FMN2: variants seen among roughly 807,000 people sequenced by gnomAD.
The protein encoded by FMN2 is formin-2.
In FMN2, 51 loss-of-function variants were observed where a neutral mutation model predicts 142.3. The ratio of observed to expected loss-of-function variants is 0.36; its 90% CI spans 0.29 to 0.45. The LOEUF (loss-of-function observed/expected upper bound fraction) is 0.45, where lower values mean the gene tolerates loss of function less well. Ranked by LOEUF, FMN2 falls within the 20% of genes least tolerant of loss-of-function variation. The pLI is 1.00. For missense variants in FMN2, 1,936 were observed against 2,122.8 expected, an observed-to-expected ratio of 0.91 and a Z score of 1.73; for synonymous variants, 882 against 869.8, an observed-to-expected ratio of 1.01 and a Z score of -0.25.
At chr1:240,206,359 ATAT>A (rs567603071) in intron 4 of FMN2, among the ~76,000 whole-genome samples, 2 of 152,218 alleles carry the variant, frequency 1.3e-5, no homozygotes, top group African/African-American at 2.4e-5. Context: ...AATATTTTAT[ATAT>A]TATTATTGAA....
At chr1:240,428,547 T>C (rs2103157359) in intron 15 of FMN2, among the ~76,000 whole-genome samples, 1 of 152,320 alleles carries the variant, frequency 6.6e-6, no homozygotes, top group East Asian at 1.9e-4. Flanking sequence ...ATCTTTAAGT[T>C]CACCTTGAGT....
intron 2 of FMN2, among the ~76,000 whole-genome samples, chr1:240,167,521 CA>C (rs1267560438): frequency 6.6e-6 from 1 of 152,060 alleles, no homozygotes; most frequent in African/African-American, 2.4e-5. Context: ...TATTCTTTTA[CA>C]TTTGTCATTT....
chr1:240,218,435 C>T (rs561565252), intron 6 of FMN2, among the ~76,000 whole-genome samples: 12 of 151,880 alleles, frequency 7.9e-5, no homozygotes, highest in African/African-American at 2.4e-4. Context: ...GAATGCCAGA[C>T]GCAGTGGCAT....
chr1:240,219,597 A>G (rs1253341343), intron 6 of FMN2, among the ~76,000 whole-genome samples: 1 of 152,186 alleles, frequency 6.6e-6, no homozygotes. Context: ...TAAATGGAAA[A>G]TAAACTGTTT....
intron 2 of FMN2, among the ~76,000 whole-genome samples, chr1:240,157,371 A>G (rs532585315): frequency 9.2e-5 from 14 of 152,326 alleles, no homozygotes; most frequent in African/African-American, 3.4e-4. Context: ...AGTCATTGCT[A>G]TTAGTTTAAC....
chr1:240,422,932 A>C (rs1674820479), intron 15 of FMN2, among the ~76,000 whole-genome samples: 1 of 152,170 alleles, frequency 6.6e-6, no homozygotes, highest in African/African-American at 2.4e-5. Context: ...CTTTTGTATG[A>C]ACTAATACTT....
chr1:240,173,748 T>C (rs1169215250), intron 2 of FMN2, among the ~76,000 whole-genome samples: 1 of 152,182 alleles, frequency 6.6e-6, no homozygotes, highest in Non-Finnish European at 1.5e-5. Flanking sequence ...AATGGGAGGC[T>C]TTGAGATTAC....
At chr1:240,184,382 GCC>G (rs1417169767) in intron 3 of FMN2, among the ~76,000 whole-genome samples, 5 of 151,372 alleles carry the variant, frequency 3.3e-5, no homozygotes, top group Non-Finnish European at 5.9e-5. Flanking sequence ...GACTGCAGGT[GCC>G]CACCACCAGG....
chr1:240,178,503 T>C (rs1408143706), intron 3 of FMN2, among the ~76,000 whole-genome samples: 2 of 150,624 alleles, frequency 1.3e-5, no homozygotes, highest in African/African-American at 2.4e-5. Context: ...TAGAGTGCAG[T>C]GGAGCATGAC....
chr1:240,170,888 G>A lies in FMN2; in HGVS notation c.1783-7033G>A, dbSNP rs777390657. 392 of 797,976 alleles carry A rather than the reference G, an allele frequency of 4.9e-4. 1 individual carries two copies. The highest frequency in any genetic ancestry group is 6.9e-4 in the Non-Finnish European group (302 of 435,846). 49.4% of individuals were successfully genotyped at this position (797,976 alleles called of 1,614,324 possible). A position where few individuals can be genotyped will look rare whatever the true frequency, so the allele number is the denominator to read the frequency against. On this transcript the variant is annotated intron_variant, in intron 2 of 17. Coordinates refer to ENST00000319653, the MANE Select transcript of FMN2 (RefSeq NM_020066.5). ...GCTAAAGAGTTTGGAGCCACTGAAT[G>A]TATGAACCGTCAGGATTTTAGTCAA...
chr1:240,348,927 C>T (rs761798368), intron 13 of FMN2, among the ~76,000 whole-genome samples: 2 of 152,072 alleles, frequency 1.3e-5, no homozygotes, highest in Non-Finnish European at 2.9e-5. Flanking sequence ...TCCCAGTGTC[C>T]GGTCACTAGC....
rs561363894 is a variant in FMN2 at position 240,126,399 on chromosome 1, C to T, written c.1782+3054C>T. Among the ~76,000 whole-genome samples, 29 of 142,528 alleles carry T rather than the reference C, an allele frequency of 2.0e-4. No homozygotes were observed. In the South Asian group the frequency reaches 4.9e-3, roughly 24 times the overall value. 93.5% of individuals were successfully genotyped at this position (142,528 alleles called of 152,430 possible). A position where few individuals can be genotyped will look rare whatever the true frequency, so the allele number is the denominator to read the frequency against. ...ACTTTGTTCCCTTCCCTGATGGGTTCCTCTCCCCCACCTCCTTATCCTCTC... is the reference window on the plus strand; with the variant it reads ...ACTTTGTTCCCTTCCCTGATGGGTTTCTCTCCCCCACCTCCTTATCCTCTC... On this transcript the variant is annotated intron_variant, in intron 2 of 17. Transcript: ENST00000319653.
chr1:240,418,871 C>A (rs942850282), intron 15 of FMN2, among the ~76,000 whole-genome samples: 1 of 152,256 alleles, frequency 6.6e-6, no homozygotes. Flanking sequence ...CTTTGGGAGG[C>A]CGAGGCAGGT....
At chr1:240,244,441 T>C (rs1668013556) in intron 6 of FMN2, among the ~76,000 whole-genome samples, 1 of 152,214 alleles carries the variant, frequency 6.6e-6, no homozygotes, top group Middle Eastern at 3.2e-3. Context: ...ATGTGACACA[T>C]ATAAAATGCA....
intron 14 of FMN2, among the ~76,000 whole-genome samples, chr1:240,373,605 C>G (rs1474050524): frequency 6.6e-6 from 1 of 152,218 alleles, no homozygotes; most frequent in Non-Finnish European, 1.5e-5. Flanking sequence ...TAAGAAGCAA[C>G]TCCTCATCCG....
chr1:240,367,254 C>T (rs2103063888), intron 14 of FMN2, among the ~76,000 whole-genome samples: 1 of 152,166 alleles, frequency 6.6e-6, no homozygotes, highest in Admixed American at 6.5e-5. Flanking sequence ...AGTCTTTTGG[C>T]TGTTTTTTAA....
chr1:240,333,881 G>C lies in FMN2; in HGVS notation c.4585-6G>C. 2 of 1,600,310 alleles carry C rather than the reference G, an allele frequency of 1.2e-6. No homozygotes were observed. Among genetic ancestry groups the C allele is most frequent in the Non-Finnish European group, 1.7e-6 (2 of 1,174,710 alleles). On this transcript the variant is annotated splice_region_variant and splice_polypyrimidine_tract_variant and intron_variant, in intron 11 of 17. Transcript: ENST00000319653. ...TATTGTCACTGACTTTGGTCTTTCT[G>C]CCTAGGACAATAGCAGAAGCCTTTT... is the stretch of plus-strand genomic sequence containing the variant.
intron 8 of FMN2, among the ~76,000 whole-genome samples, chr1:240,305,404 A>G (rs1670351217): frequency 6.6e-6 from 1 of 152,222 alleles, no homozygotes; most frequent in Admixed American, 6.5e-5. Flanking sequence ...GTGTTTTTCA[A>G]ACTGGGTTCA....
chr1:240,123,038 T>C lies in FMN2; in HGVS notation c.1616-141T>C, dbSNP rs544916823. 6 of 869,070 alleles carry C rather than the reference T, an allele frequency of 6.9e-6. No individual in the cohort carries two copies. In the African/African-American group the frequency reaches 8.5e-5, roughly 12 times the overall value. The allele number at this position is 869,070 out of a possible 1,614,324, so 53.8% of individuals were successfully genotyped here. ...CAGACTACAGAGCTTTCTCCTAGCT[T>C]GAGAGGCTCCTTTCTGCGCTGTCAG... On this transcript the variant is annotated intron_variant, in intron 1 of 17. Coordinates refer to ENST00000319653, the MANE Select transcript of FMN2 (RefSeq NM_020066.5).
Sources: gnomAD v4.1 joint callset for allele counts (sites outside exome capture counted in the v4.1 genomes callset) on GRCh38, gnomAD v4.1.1 for gene constraint, MANE v1.5 for transcripts, NCBI Gene and HGNC (gene_info 2026-07-23, HGNC 2026-07-21) for gene names.